The following STK17A variants were observed in gnomAD, a reference collection of about 807,000 sequenced individuals.
The protein encoded by STK17A is serine/threonine kinase 17a, also known as serine/threonine-protein kinase 17A.
A neutral mutation model predicts 43.7 loss-of-function variants in STK17A; 26 were observed. That is an observed-to-expected ratio of 0.60 (90% CI 0.44 to 0.83). The LOEUF is 0.83. Ranked by LOEUF, STK17A falls within the 40% of genes least tolerant of loss-of-function variation. The pLI is 0.00. For synonymous variants in STK17A, 191 were observed against 182.5 expected, an observed-to-expected ratio of 1.05 and a Z score of -0.38; for missense variants, 476 against 511.6, an observed-to-expected ratio of 0.93 and a Z score of 0.67.
intron 3 of STK17A, among the ~76,000 whole-genome samples, chr7:43,619,306 A>C (rs897606859): frequency 6.6e-6 from 1 of 152,204 alleles, no homozygotes; most frequent in African/African-American, 2.4e-5. Context: ...AGCGTGCTGC[A>C]TGCAAGGAGA....
chr7:43,583,695 C>T (rs1285681345), intron 1 of STK17A, among the ~76,000 whole-genome samples: 1 of 152,186 alleles, frequency 6.6e-6, no homozygotes, highest in Non-Finnish European at 1.5e-5. Flanking sequence ...CCCGGAGGCG[C>T]GGACACTTTC....
At position 43,627,229 on chromosome 7, in the gene STK17A, TTTG is replaced by T. The variant is rs141793546; in HGVS notation, c.*2393_*2395del. 4.6e-3 allele frequency among the ~76,000 whole-genome samples: 698 copies of T among 152,340 alleles called. 6 individuals are homozygous for T. The highest frequency in any genetic ancestry group is 0.015 in the African/African-American group (643 of 41,576). ...AAATGATATTTGATTGATCTTGTGT[TTTG>T]TTGTTTTCAAATGAAAACTAGGAGG... is the stretch of plus-strand genomic sequence containing the variant. On this transcript the variant is annotated 3_prime_UTR_variant, in exon 7 of 7. Coordinates refer to ENST00000319357, the MANE Select transcript of STK17A (RefSeq NM_004760.3).
intron 1 of STK17A, among the ~76,000 whole-genome samples, chr7:43,592,131 A>G (rs957741556): frequency 1.3e-5 from 2 of 151,676 alleles, no homozygotes; most frequent in East Asian, 3.8e-4. Flanking sequence ...TCAGACATGT[A>G]GGTATGAAAA....
chr7:43,598,628 G>A (rs1175964672), intron 2 of STK17A, among the ~76,000 whole-genome samples: 1 of 152,154 alleles, frequency 6.6e-6, no homozygotes, highest in Non-Finnish European at 1.5e-5. Context: ...GAAAACCTCA[G>A]TGAGTCATCA....
At chr7:43,591,587 G>T (rs1207608990) in intron 1 of STK17A, among the ~76,000 whole-genome samples, 11 of 151,548 alleles carry the variant, frequency 7.3e-5, no homozygotes, top group Admixed American at 7.2e-4. Context: ...AACAAAGGTG[G>T]TGTCAGTGTA....
intron 3 of STK17A, among the ~76,000 whole-genome samples, chr7:43,616,826 G>A (rs1302911654): frequency 6.6e-6 from 1 of 152,152 alleles, no homozygotes; most frequent in African/African-American, 2.4e-5. Context: ...GAACCTGGGA[G>A]GTGGAGCTTG....
At chr7:43,590,047 A>G (rs1455708927) in intron 1 of STK17A, among the ~76,000 whole-genome samples, 2 of 149,996 alleles carry the variant, frequency 1.3e-5, no homozygotes, top group Non-Finnish European at 3.0e-5. Context: ...CCCAGGCTCA[A>G]CTGATCCTCC....
At chr7:43,616,871 TG>T (rs1288271173) in intron 3 of STK17A, among the ~76,000 whole-genome samples, 3 of 152,204 alleles carry the variant, frequency 2.0e-5, no homozygotes, top group African/African-American at 7.2e-5. Flanking sequence ...CACTCCAGCC[TG>T]GGCAAAAGAG....
intron 3 of STK17A, among the ~76,000 whole-genome samples, chr7:43,615,429 G>A (rs544120595): frequency 3.3e-5 from 5 of 152,092 alleles, no homozygotes; most frequent in African/African-American, 7.2e-5. Flanking sequence ...CACTCACCTC[G>A]GCCTCCCAAA....
chr7:43,584,164 A>G (rs1198989416), intron 1 of STK17A, among the ~76,000 whole-genome samples: 3 of 152,004 alleles, frequency 2.0e-5, no homozygotes, highest in Non-Finnish European at 4.4e-5. Flanking sequence ...CTTGGTCTGT[A>G]AAGTTGCAGG....
intron 3 of STK17A, among the ~76,000 whole-genome samples, chr7:43,612,419 C>A (rs2082959996): frequency 6.6e-6 from 1 of 152,342 alleles, no homozygotes; most frequent in Admixed American, 6.5e-5. Context: ...CTGTCTTCGA[C>A]AGTGTGTGCT....
rs747064066 is a variant in STK17A at position 43,595,930 on chromosome 7, T to G, written c.236T>G (p.Ile79Arg). The change falls in exon 2 of 7, where the codon ATA becomes AGA. Residue 79 changes from isoleucine (I) to arginine (R), a missense_variant. Ile to Arg is a moderately conservative substitution (Grantham distance 97). This residue lies in a region of STK17A where 320 missense variants were observed against 326.3 expected (regional missense o/e 0.98). Coordinates refer to ENST00000319357, the MANE Select transcript of STK17A (RefSeq NM_004760.3). ...AAATTTGCAGTGGTGAGAAAATGTA[T>G]AAAGAAAGATTCTGGGAAAGAATTT... ...RGKFAVVRKC[I>R]KKDSGKEFAA... 6.2e-7 allele frequency: 1 copy of G among 1,613,746 alleles called. No individual in the cohort carries two copies. Among genetic ancestry groups the G allele is most frequent in the South Asian group, 1.1e-5 (1 of 91,044 alleles).
intron 2 of STK17A, 26 bp from the exon 3 acceptor site, chr7:43,608,230 A>T: frequency 6.3e-7 from 1 of 1,596,668 alleles, no homozygotes; most frequent in Non-Finnish European, 8.5e-7. Flanking sequence ...TGAGTTATAT[A>T]TTACTTTAAT....
At chr7:43,599,879 G>A (rs903223861) in intron 2 of STK17A, among the ~76,000 whole-genome samples, 1 of 151,304 alleles carries the variant, frequency 6.6e-6, no homozygotes, top group Non-Finnish European at 1.5e-5. Flanking sequence ...GGGTGGTCAG[G>A]TGTAAGTCCT....
At chr7:43,610,346 CAA>C (rs138859141) in intron 3 of STK17A, among the ~76,000 whole-genome samples, 368 of 41,246 alleles carry the variant, frequency 8.9e-3, no homozygotes, top group South Asian at 0.023. Context: ...GACTCCGTCT[CAA>C]AAAAAAAAAA....
chr7:43,617,003 C>A (rs746602564), intron 3 of STK17A, among the ~76,000 whole-genome samples: 1 of 152,192 alleles, frequency 6.6e-6, no homozygotes, highest in African/African-American at 2.4e-5. Context: ...GGCCTTCTCA[C>A]CAAGTTGAGA....
chr7:43,583,459 G>T lies in STK17A; in HGVS notation c.206+10G>T. 7.7e-7 allele frequency: 1 copy of T among 1,304,334 alleles called. No individual in the cohort carries two copies. 80.8% of individuals were successfully genotyped at this position (1,304,334 alleles called of 1,614,324 possible). ...GCCGGGAGCTGGGCAGGTGAGGACGGGCGGGGCCCGGCGCGGAACCTTCCC... is the reference window on the plus strand; with the variant it reads ...GCCGGGAGCTGGGCAGGTGAGGACGTGCGGGGCCCGGCGCGGAACCTTCCC... On this transcript the variant is annotated intron_variant, in intron 1 of 6. Coordinates refer to ENST00000319357, the MANE Select transcript of STK17A (RefSeq NM_004760.3).
chr7:43,598,985 G>A lies in STK17A; in HGVS notation c.419+2872G>A, dbSNP rs369249315. Among the ~76,000 whole-genome samples, 22 of 152,094 alleles carry A rather than the reference G, an allele frequency of 1.4e-4. No individual in the cohort carries two copies. In the East Asian group the frequency reaches 4.1e-3, roughly 28 times the overall value. ...TCACCATGTTGGCCAGGCTGGTTTC[G>A]AACTCTTGACCTCAGGTGATCCACC... On this transcript the variant is annotated intron_variant, in intron 2 of 6. Coordinates refer to ENST00000319357, the MANE Select transcript of STK17A (RefSeq NM_004760.3).
chr7:43,585,879 C>CA lies in STK17A; in HGVS notation c.206+2436dup, dbSNP rs1563142022. The stretch of plus-strand genomic sequence containing the variant: ...CCCAAAAAGAAAACCTGCACAATCT[C>CA]AAAAAATGCCTCTATGTCTGGCAAA... On this transcript the variant is annotated intron_variant, in intron 1 of 6. Coordinates refer to ENST00000319357, the MANE Select transcript of STK17A (RefSeq NM_004760.3). Among the ~76,000 whole-genome samples the CA allele has an allele frequency of 3.3e-5, 5 of 151,612 alleles. No individual in the cohort carries two copies. In the South Asian group the frequency reaches 8.3e-4, roughly 25 times the overall value.
Sources: allele counts gnomAD v4.1 joint callset (sites outside exome capture counted in the v4.1 genomes callset), GRCh38; gene constraint gnomAD v4.1.1; regional missense constraint gnomAD v4.1.1; transcripts MANE v1.5; gene names NCBI Gene and HGNC (gene_info 2026-07-23, HGNC 2026-07-21).